Variants in PIWIL3 observed in about 807,000 individuals in gnomAD.
PIWIL3 encodes the protein piwi like RNA-mediated gene silencing 3, also known as piwi-like protein 3.
Under a neutral mutation model 109.7 loss-of-function variants are expected in PIWIL3, and 101 were observed. The observed-to-expected ratio is 0.92, with a 90% CI of 0.78 to 1.09. The LOEUF is 1.09. PIWIL3 is among the 50% of genes least tolerant of loss of function. PIWIL3 has a pLI of 0.00. For missense variants in PIWIL3, 1,031 were observed against 1,072.6 expected (o/e 0.96, Z 0.54); for synonymous variants, 373 against 376.4 (o/e 0.99, Z 0.10).
At chr22:24,763,035 CTGG>C (rs1475242526) in intron 1 of PIWIL3, among the ~76,000 whole-genome samples, 38 of 152,214 alleles carry the variant, frequency 2.5e-4, no homozygotes, top group African/African-American at 9.1e-4. Flanking sequence ...AATAAAGCAT[CTGG>C]TTACTAACGA....
At chr22:24,733,858 G>A (rs955955418) in intron 14 of PIWIL3, among the ~76,000 whole-genome samples, 2 of 152,162 alleles carry the variant, frequency 1.3e-5, no homozygotes, top group African/African-American at 4.8e-5. Flanking sequence ...CAAGTTAGGA[G>A]ATTTTAAAAG....
intron 12 of PIWIL3, among the ~76,000 whole-genome samples, chr22:24,738,891 C>A (rs1923820586): frequency 6.6e-6 from 1 of 152,034 alleles, no homozygotes; most frequent in African/African-American, 2.4e-5. Flanking sequence ...AGGCACCAGG[C>A]ACCAGTTCTG....
chr22:24,774,150 T>C (rs1251422304), intron 1 of PIWIL3, among the ~76,000 whole-genome samples, 172 bp downstream of exon 1: 1 of 152,224 alleles, frequency 6.6e-6, no homozygotes. Context: ...TCCTCTCTTC[T>C]GCTAATCTGA....
At chr22:24,726,323 C>T (rs5751958) in intron 16 of PIWIL3, among the ~76,000 whole-genome samples, 21,258 of 151,158 alleles carry the variant, frequency 0.14, 2,011 homozygotes, top group East Asian at 0.5. Flanking sequence ...CGCTCTGTCA[C>T]CCAGGCTGGA....
At chr22:24,760,704 C>T (rs903616172) in intron 2 of PIWIL3, among the ~76,000 whole-genome samples, 5 of 146,626 alleles carry the variant, frequency 3.4e-5, no homozygotes, top group Non-Finnish European at 5.9e-5. Flanking sequence ...CGCTTGAACC[C>T]AGGAGGCAGA....
intron 1 of PIWIL3, among the ~76,000 whole-genome samples, chr22:24,765,650 C>T (rs1312341917): frequency 1.3e-5 from 2 of 152,128 alleles, no homozygotes; most frequent in African/African-American, 4.8e-5. Context: ...TTCCCATCAT[C>T]CTTTGTTCTG....
intron 14 of PIWIL3, among the ~76,000 whole-genome samples, chr22:24,730,502 A>T (rs1296476217): frequency 6.6e-6 from 1 of 152,178 alleles, no homozygotes; most frequent in Non-Finnish European, 1.5e-5. Context: ...TATCATGCAC[A>T]CACACACAGT....
chr22:24,721,952 A>G (rs1352900740), intron 19 of PIWIL3, among the ~76,000 whole-genome samples: 1 of 152,244 alleles, frequency 6.6e-6, no homozygotes, highest in Non-Finnish European at 1.5e-5. Flanking sequence ...AGCTGACTAT[A>G]CGAAACTATT....
chr22:24,743,478 A>G (rs939157438), intron 12 of PIWIL3, among the ~76,000 whole-genome samples: 1 of 152,274 alleles, frequency 6.6e-6, no homozygotes, highest in Non-Finnish European at 1.5e-5. Context: ...GAAAATGTGT[A>G]TATTCATACC....
intron 4 of PIWIL3, among the ~76,000 whole-genome samples, chr22:24,757,615 T>TACACACACACACACACACAC (rs139481317): frequency 1.4e-3 from 114 of 79,040 alleles, no homozygotes; most frequent in South Asian, 3.9e-3. Flanking sequence ...AAAATTTACA[T>TACACACACACACACACACAC]ACACACACAC....
rs560840148 is a variant in PIWIL3, at chr22:24,738,066, G to A, written c.1450-2174C>T. Among the ~76,000 whole-genome samples, 18 of 152,220 alleles carry A rather than the reference G, an allele frequency of 1.2e-4. No homozygotes were observed. In the South Asian group the frequency reaches 3.3e-3, roughly 28 times the overall value. On this transcript the variant is annotated intron_variant, in intron 12 of 20. Coordinates refer to ENST00000616349, the MANE Select transcript of PIWIL3 (RefSeq NM_001255975.1). ...CTTGGGAGGCTGAGGCATGAGAATC[G>A]CTTGAACCCAGTAAGTGGAGGTTGC... is the stretch of plus-strand genomic sequence containing the variant.
In PIWIL3 at chr22:24,749,770, T is replaced by A. The variant is rs202048825; in HGVS notation, c.1139A>T (p.Gln380Leu). 159 of 1,613,860 alleles carry A rather than the reference T, an allele frequency of 9.9e-5. No homozygotes were observed. The highest frequency in any genetic ancestry group is 3.4e-6 in the Non-Finnish European group (4 of 1,179,990). ...CGTTAGGCCCTTTTTCCATCTGCCC[T>A]GGCTGACCAAAAGTGGCTGTTTCTT... ...TVKKQPLLVS[Q>L]GRWKKGLTGT... Residue 380 changes from glutamine (Q) to leucine (L), a missense_variant, in exon 10 of 21, where the codon CAG (glutamine) becomes CTG (leucine). Coordinates refer to ENST00000616349, the MANE Select transcript of PIWIL3 (RefSeq NM_001255975.1).
rs764242657 is a variant in PIWIL3, at chr22:24,758,041, T to G, written c.224-2A>C. ...CCTCAGGTCCAGGTTCCTTCACCCCTGCATAAATGTAAACGCCAGAAGTTT... is the reference window on the plus strand; with the variant it reads ...CCTCAGGTCCAGGTTCCTTCACCCCGGCATAAATGTAAACGCCAGAAGTTT... On this transcript the variant is annotated splice_acceptor_variant, in intron 3 of 20. Transcript: ENST00000616349. LOFTEE classifies it high-confidence loss of function. 1 of 1,601,100 alleles carries G rather than the reference T, an allele frequency of 6.2e-7. No homozygotes were observed. The highest frequency in any genetic ancestry group is 8.5e-7 in the Non-Finnish European group (1 of 1,176,524).
At chr22:24,738,295 T>C (rs554568393) in intron 12 of PIWIL3, among the ~76,000 whole-genome samples, 12 of 152,334 alleles carry the variant, frequency 7.9e-5, no homozygotes, top group African/African-American at 2.9e-4. Context: ...CTGACTGGCA[T>C]TTCTGTACCT....
intron 14 of PIWIL3, among the ~76,000 whole-genome samples, chr22:24,732,615 A>G (rs1923420107): frequency 6.6e-6 from 1 of 152,148 alleles, no homozygotes; most frequent in Admixed American, 6.5e-5. Flanking sequence ...CGAGGTCAGG[A>G]GATCGAGACC....
At chr22:24,733,714 A>AAC (rs1491143835) in intron 14 of PIWIL3, among the ~76,000 whole-genome samples, 2 of 19,570 alleles carry the variant, frequency 1.0e-4, no homozygotes, top group Admixed American at 5.6e-4. Flanking sequence ...CAACAACAAC[A>AAC]AAAAAAAACA....
At chr22:24,725,113 G>C (rs1922915249) in intron 17 of PIWIL3, 76 bp from the exon 18 acceptor site, 3 of 1,551,280 alleles carry the variant, frequency 1.9e-6, no homozygotes, top group African/African-American at 2.7e-5. Flanking sequence ...ACAAATTCTA[G>C]GTCCATCTTT....
chr22:24,744,207 A>AAAAAAAAAAAC (rs1569103685), intron 12 of PIWIL3, among the ~76,000 whole-genome samples: 3 of 135,034 alleles, frequency 2.2e-5, no homozygotes, highest in Non-Finnish European at 3.2e-5. Flanking sequence ...AAAAAAAAAA[A>AAAAAAAAAAAC]CAATGATCTG....
In PIWIL3 at chr22:24,755,893, A is replaced by C. The variant is rs1555912861; in HGVS notation, c.583T>G (p.Leu195Val). The C allele has an allele frequency of 1.9e-6, 3 of 1,613,202 alleles. No individual in the cohort carries two copies. In the South Asian group the frequency reaches 3.3e-5, roughly 18 times the overall value. ...RPLKERRVEW[L>V]STTKDKNIVK... ...ATGTTTTTGTCTTTGGTTGTGCTCAACCATTCCACTCTCTGAGATTAAAAA... is the reference window on the plus strand; with the variant it reads ...ATGTTTTTGTCTTTGGTTGTGCTCACCCATTCCACTCTCTGAGATTAAAAA... Residue 195 changes from leucine (L) to valine (V), a missense_variant, in exon 6 of 21, where the codon TTG (leucine) becomes GTG (valine). Physicochemically the swap from Leu to Val is conservative, Grantham distance 32. Transcript: ENST00000616349.
Sources: gnomAD v4.1 joint callset for allele counts (sites outside exome capture counted in the v4.1 genomes callset) on GRCh38, gnomAD v4.1.1 for gene constraint, MANE v1.5 for transcripts, NCBI Gene and HGNC (gene_info 2026-07-23, HGNC 2026-07-21) for gene names.